The following BBS9 variants were observed in gnomAD, a reference collection of about 807,000 sequenced individuals.
BBS9 encodes Bardet-Biedl syndrome 9.
Under a neutral mutation model 117.7 loss-of-function variants are expected in BBS9, and 89 were observed. The ratio of observed to expected loss-of-function variants is 0.76; its 90% CI spans 0.64 to 0.90. The LOEUF (loss-of-function observed/expected upper bound fraction) is 0.90. Among genes scored for constraint, BBS9 ranks in the 40% least tolerant of loss-of-function variants. BBS9 has a pLI of 0.00. For synonymous variants in BBS9, 379 were observed against 370.9 expected (o/e 1.02, Z -0.25); for missense variants, 982 against 1,042.2 (o/e 0.94, Z 0.80).
At chr7:33,357,139 C>T (rs934795027) in intron 15 of BBS9, among the ~76,000 whole-genome samples, 46 of 151,606 alleles carry the variant, frequency 3.0e-4, no homozygotes, top group Non-Finnish European at 5.2e-4. Flanking sequence ...TCTTCATTGT[C>T]GTATATTCAG....
At chr7:33,433,799 A>T (rs1834881621) in intron 19 of BBS9, among the ~76,000 whole-genome samples, 1 of 152,208 alleles carries the variant, frequency 6.6e-6, no homozygotes, top group African/African-American at 2.4e-5. Flanking sequence ...TTTTACAGAT[A>T]ATCATTATGT....
At chr7:33,598,504 T>C (rs557685822) in intron 21 of BBS9, among the ~76,000 whole-genome samples, 1 of 152,270 alleles carries the variant, frequency 6.6e-6, no homozygotes, top group South Asian at 2.1e-4. Flanking sequence ...CTGTGGACTT[T>C]AGTTAATAAT....
At chr7:33,338,313 G>A in intron 10 of BBS9, among the ~76,000 whole-genome samples, 1 of 151,926 alleles carries the variant, frequency 6.6e-6, no homozygotes, top group Non-Finnish European at 1.5e-5. Context: ...TAAAACCATG[G>A]TATGTTTGTT....
intron 9 of BBS9, among the ~76,000 whole-genome samples, chr7:33,277,837 C>G (rs1249020354): frequency 6.6e-6 from 1 of 152,104 alleles, no homozygotes; most frequent in Non-Finnish European, 1.5e-5. Context: ...TTAGGTTCTA[C>G]AATAGTGATG....
At chr7:33,491,374 G>A (rs947849006) in intron 19 of BBS9, among the ~76,000 whole-genome samples, 1 of 152,182 alleles carries the variant, frequency 6.6e-6, no homozygotes, top group Non-Finnish European at 1.5e-5. Context: ...ATGGGTGGGA[G>A]AGGTGCCTAA....
chr7:33,629,621 C>T (rs1480976187), intron 21 of BBS9, among the ~76,000 whole-genome samples: 1 of 152,164 alleles, frequency 6.6e-6, no homozygotes, highest in Non-Finnish European at 1.5e-5. Flanking sequence ...ATGCTTGACA[C>T]ATAGTAGGAG....
chr7:33,266,705 G>C (rs1274073197), intron 7 of BBS9, among the ~76,000 whole-genome samples: 1 of 151,708 alleles, frequency 6.6e-6, no homozygotes, highest in Non-Finnish European at 1.5e-5. Flanking sequence ...GGATTTTTTT[G>C]TATCTCCTTG....
At chr7:33,159,388 C>T (rs1794519782) in intron 4 of BBS9, among the ~76,000 whole-genome samples, 1 of 152,084 alleles carries the variant, frequency 6.6e-6, no homozygotes, top group African/African-American at 2.4e-5. Flanking sequence ...CTTCCTTATG[C>T]TGGAATGTCC....
intron 19 of BBS9, among the ~76,000 whole-genome samples, chr7:33,440,524 A>G (rs1836005490): frequency 6.6e-6 from 1 of 152,222 alleles, no homozygotes; most frequent in African/African-American, 2.4e-5. Flanking sequence ...TGTGTAGCAC[A>G]TGGAAGGTCA....
intron 21 of BBS9, among the ~76,000 whole-genome samples, chr7:33,581,076 T>TTG (rs746057448): frequency 0.039 from 5,597 of 145,092 alleles, 276 homozygotes; most frequent in African/African-American, 0.13. Context: ...GTGTGTATTT[T>TTG]TGTGTGTGTG....
chr7:33,135,839 C>G (rs1018098875), intron 1 of BBS9, among the ~76,000 whole-genome samples: 3 of 152,102 alleles, frequency 2.0e-5, no homozygotes, highest in Non-Finnish European at 4.4e-5. Flanking sequence ...TTATTTAGAT[C>G]TTCTTTAATT....
intron 2 of BBS9, among the ~76,000 whole-genome samples, chr7:33,151,997 A>C (rs188771563): frequency 2.7e-4 from 41 of 152,110 alleles, no homozygotes; most frequent in Non-Finnish European, 4.6e-4. Context: ...AGCTGGGACT[A>C]CAGGGGCATG....
intron 21 of BBS9, among the ~76,000 whole-genome samples, chr7:33,561,586 T>G (rs1312693210): frequency 1.3e-5 from 2 of 151,922 alleles, no homozygotes; most frequent in Admixed American, 1.3e-4. Flanking sequence ...AGTCAGAAAA[T>G]AAAAATATGC....
intron 21 of BBS9, among the ~76,000 whole-genome samples, chr7:33,582,073 C>T (rs1860046233): frequency 1.3e-5 from 2 of 151,946 alleles, no homozygotes; most frequent in African/African-American, 4.8e-5. Context: ...AAAATCATGA[C>T]TTGTCTTTTT....
chr7:33,178,589 A>T (rs990839916), intron 5 of BBS9, among the ~76,000 whole-genome samples: 1 of 151,760 alleles, frequency 6.6e-6, no homozygotes, highest in Non-Finnish European at 1.5e-5. Context: ...TGATTGTGTG[A>T]CTCTGTGTGC....
chr7:33,439,771 C>T (rs575757643), intron 19 of BBS9, among the ~76,000 whole-genome samples: 2 of 152,306 alleles, frequency 1.3e-5, no homozygotes, highest in South Asian at 4.1e-4. Flanking sequence ...TCGTGGTCCA[C>T]CTGCTTCGGC....
intron 5 of BBS9, among the ~76,000 whole-genome samples, chr7:33,249,955 ATC>A (rs1795976953): frequency 6.6e-6 from 1 of 152,144 alleles, no homozygotes; most frequent in South Asian, 2.1e-4. Context: ...TCCAGGGTGC[ATC>A]GTATCTGTCA....
chr7:33,321,167 T>A (rs1272232076), intron 9 of BBS9, among the ~76,000 whole-genome samples: 2 of 152,136 alleles, frequency 1.3e-5, no homozygotes, highest in African/African-American at 2.4e-5. Context: ...AGTCGGGTAA[T>A]GTGATCCTTC....
chr7:33,317,656 C>G (rs1347104503), intron 9 of BBS9, among the ~76,000 whole-genome samples: 2 of 152,124 alleles, frequency 1.3e-5, no homozygotes, highest in East Asian at 3.9e-4. Flanking sequence ...CTTTTCTTTC[C>G]TGGATTTACT....
Sources: gnomAD v4.1 joint callset for allele counts (sites outside exome capture counted in the v4.1 genomes callset) on GRCh38, gnomAD v4.1.1 for gene constraint, MANE v1.5 for transcripts, NCBI Gene and HGNC (gene_info 2026-07-23, HGNC 2026-07-21) for gene names.